Variants in CFAP100 observed in about 807,000 individuals in gnomAD.
CFAP100 encodes the protein cilia- and flagella-associated protein 100.
Under a neutral mutation model 81.5 loss-of-function variants are expected in CFAP100, and 70 were observed. That is an observed-to-expected ratio of 0.86 (90% CI 0.71 to 1.05). The LOEUF is 1.05. Ranked by LOEUF, CFAP100 falls within the 50% of genes least tolerant of loss-of-function variation. The pLI is 0.00. For synonymous variants in CFAP100, 341 were observed against 314.8 expected, an observed-to-expected ratio of 1.08 and a Z score of -0.88; for missense variants, 811 against 776.5, an observed-to-expected ratio of 1.04 and a Z score of -0.53.
chr3:126,431,790 T>C (rs1208115580), intron 13 of CFAP100, among the ~76,000 whole-genome samples: 6 of 152,212 alleles, frequency 3.9e-5, no homozygotes, highest in South Asian at 2.1e-4. Context: ...TCACTTTCCC[T>C]ATACTGAAGT....
At chr3:126,404,948 C>G (rs960665651) in intron 2 of CFAP100, among the ~76,000 whole-genome samples, 1 of 152,190 alleles carries the variant, frequency 6.6e-6, no homozygotes, top group Non-Finnish European at 1.5e-5. Context: ...GGATTACAGG[C>G]GTGAGCCACC....
chr3:126,416,491 A>G lies in CFAP100; in HGVS notation c.401A>G (p.Lys134Arg). ...GCCTTCCGCGACTACACGACCTGGA[A>G]GCTCACCTTGACCAAAGGTGCGTCC... ...QRAFRDYTTW[K>R]LTLTKEKNVE... Residue 134 changes from lysine (K) to arginine (R), a missense_variant, in exon 5 of 17, where the codon AAG becomes AGG. Physicochemically the swap from Lys to Arg is conservative, Grantham distance 26. Transcript: ENST00000352312. 1.3e-6 allele frequency: 2 copies of G among 1,598,210 alleles called. No individual in the cohort carries two copies. Among genetic ancestry groups the G allele is most frequent in the Non-Finnish European group, 1.7e-6 (2 of 1,171,652 alleles).
At chr3:126,418,956 C>A (rs534260063) in intron 7 of CFAP100, 120 bp from the exon 8 acceptor site, 11 of 982,700 alleles carry the variant, frequency 1.1e-5, no homozygotes, top group Non-Finnish European at 1.5e-5. Flanking sequence ...GTGTGGCTCT[C>A]CAGCCCTGTC....
Position 126,436,356 on chromosome 3 carries a change from C to A in CFAP100, c.1788C>A (p.His596Gln), listed in dbSNP as rs767674665. 6.2e-7 allele frequency: 1 copy of A among 1,614,154 alleles called. No homozygotes were observed. The highest frequency in any genetic ancestry group is 8.5e-7 in the Non-Finnish European group (1 of 1,180,018). ...ACAGGATCAAACAACAGTCTGAGCA[C>A]ACACTGATGGACAAGGAGGAGGAGG... The part of the protein sequence containing the change: ...PAHRIKQQSE[H>Q]TLMDKEEEEL... The change falls in exon 17 of 17, where the codon CAC (histidine) becomes CAA (glutamine). Residue 596 changes from histidine to glutamine, a missense_variant. Coordinates refer to ENST00000352312, the MANE Select transcript of CFAP100 (RefSeq NM_182628.3).
intron 2 of CFAP100, among the ~76,000 whole-genome samples, chr3:126,398,271 A>G (rs533604115): frequency 6.6e-6 from 1 of 152,226 alleles, no homozygotes; most frequent in South Asian, 2.1e-4. Context: ...GTTCCAGGAG[A>G]GGCACTGGGG....
In CFAP100 at chr3:126,436,191, G is replaced by A. The variant is rs1479344445; in HGVS notation, c.1723-100G>A. On this transcript the variant is annotated intron_variant, in intron 16 of 16. Transcript: ENST00000352312. Reference sequence around the variant, plus strand: ...CAGGGCTGACCAGAGTGGCCTGGAGGTGACTGGAGCTGCTGGGCCTCTCCC... The same window carrying A: ...CAGGGCTGACCAGAGTGGCCTGGAGATGACTGGAGCTGCTGGGCCTCTCCC... The A allele has an allele frequency of 6.0e-6, 5 of 827,770 alleles. No individual in the cohort carries two copies. In the East Asian group the frequency reaches 1.1e-4, roughly 18 times the overall value. 51.3% of individuals were successfully genotyped at this position (827,770 alleles called of 1,614,324 possible).
In CFAP100 at chr3:126,433,986, G is replaced by A. The variant is rs149175737; in HGVS notation, c.1423-190G>A. Reference sequence around the variant, plus strand: ...GGATCTGGCTGACTCCAGGGGGCCCGGGGGATAGGCTGCTCTGGCCAAGAA... The same window carrying A: ...GGATCTGGCTGACTCCAGGGGGCCCAGGGGATAGGCTGCTCTGGCCAAGAA... On this transcript the variant is annotated intron_variant, in intron 14 of 16. Coordinates refer to ENST00000352312, the MANE Select transcript of CFAP100 (RefSeq NM_182628.3). The A allele has an allele frequency of 4.0e-3, 2,332 of 575,808 alleles. 25 individuals carry two copies. The highest frequency in any genetic ancestry group is 0.021 in the South Asian group (966 of 46,884). The allele number at this position is 575,808 out of a possible 1,614,324, so 35.7% of individuals were successfully genotyped here. A position where few individuals can be genotyped will look rare whatever the true frequency, so the allele number is the denominator to read the frequency against.
At position 126,436,375 on chromosome 3, in the gene CFAP100, G is replaced by A. The variant is rs150242871; in HGVS notation, c.1807G>A (p.Glu603Lys). The A allele has an allele frequency of 3.1e-6, 5 of 1,614,112 alleles. No individual in the cohort carries two copies. The African/African-American group carries it at 6.7e-5, about 22-fold the overall frequency. Residue 603 changes from glutamate (E) to lysine (K), a missense_variant, in exon 17 of 17, where the codon GAG (glutamate) becomes AAG (lysine). By Grantham distance (56) the Glu-to-Lys change is moderately conservative. Coordinates refer to ENST00000352312, the MANE Select transcript of CFAP100 (RefSeq NM_182628.3). ...TGAGCACACACTGATGGACAAGGAGGAGGAGGAGCTGCTATTTTTCTTTAC... is the reference window on the plus strand; with the variant it reads ...TGAGCACACACTGATGGACAAGGAGAAGGAGGAGCTGCTATTTTTCTTTAC... ...QSEHTLMDKE[E>K]EELLFFFT
chr3:126,424,229 G>A (rs564216138), intron 13 of CFAP100, among the ~76,000 whole-genome samples: 2 of 152,250 alleles, frequency 1.3e-5, no homozygotes, highest in Admixed American at 6.5e-5. Context: ...TGGGCATGGC[G>A]AGTTGTGCCA....
intron 13 of CFAP100, among the ~76,000 whole-genome samples, chr3:126,424,116 G>A (rs926380693): frequency 6.6e-6 from 1 of 152,274 alleles, no homozygotes; most frequent in Non-Finnish European, 1.5e-5. Context: ...GCACAGAACT[G>A]GGGAAGGCCA....
intron 5 of CFAP100, 51 bp downstream of exon 5, chr3:126,416,559 G>A (rs775985817): frequency 2.2e-5 from 31 of 1,428,570 alleles, no homozygotes; most frequent in Non-Finnish European, 2.8e-5. Context: ...TCCCACAACC[G>A]CAGCTCAGGG....
intron 13 of CFAP100, among the ~76,000 whole-genome samples, chr3:126,424,094 C>T (rs1438927535): frequency 2.0e-5 from 3 of 152,256 alleles, no homozygotes; most frequent in Admixed American, 1.3e-4. Flanking sequence ...GACCACTGAG[C>T]GGGTGTTCGC....
chr3:126,420,265 C>T, intron 11 of CFAP100, 36 bp downstream of exon 11: 1 of 1,608,052 alleles, frequency 6.2e-7, no homozygotes, highest in South Asian at 1.1e-5. Flanking sequence ...GGGCTGAGGC[C>T]TAGCGGCGAG....
chr3:126,416,672 G>C (rs1181825116), intron 5 of CFAP100, 164 bp downstream of exon 5: 2 of 575,852 alleles, frequency 3.5e-6, no homozygotes, highest in Non-Finnish European at 3.0e-6. Context: ...TCTCCAGGGG[G>C]GTCCCAAAGC....
At chr3:126,407,294 G>T (rs998800647) in intron 3 of CFAP100, 42 bp downstream of exon 3, 6 of 1,393,268 alleles carry the variant, frequency 4.3e-6, no homozygotes, top group Non-Finnish European at 5.1e-6. Flanking sequence ...GTTGGCAGGA[G>T]GCAACTCCTC....
chr3:126,419,636 G>A lies in CFAP100; in HGVS notation c.732-1G>A, dbSNP rs184223869. On this transcript the variant is annotated splice_acceptor_variant, in intron 8 of 16. Transcript: ENST00000352312. LOFTEE classifies it high-confidence loss of function. ...CACATCCTCACCCCGCCCCGGTGTA[G>A]TGAGATCTCCAGATTTGAAGACACT... 1.5e-5 allele frequency: 24 copies of A among 1,613,404 alleles called. No homozygotes were observed. The South Asian group carries it at 2.4e-4, about 16-fold the overall frequency.
chr3:126,436,354 C>T lies in CFAP100; in HGVS notation c.1786C>T (p.His596Tyr), dbSNP rs1285406220. Reference protein sequence around the residue: ...PAHRIKQQSEHTLMDKEEEEL... With the variant: ...PAHRIKQQSEYTLMDKEEEEL... ...CCACAGGATCAAACAACAGTCTGAG[C>T]ACACACTGATGGACAAGGAGGAGGA... Residue 596 changes from histidine to tyrosine, a missense_variant, in exon 17 of 17, where the codon CAC becomes TAC. Transcript: ENST00000352312. 6.2e-7 allele frequency: 1 copy of T among 1,614,168 alleles called. No homozygotes were observed. The highest frequency in any genetic ancestry group is 1.1e-5 in the South Asian group (1 of 91,076).
intron 14 of CFAP100, chr3:126,433,673 C>G: frequency 5.1e-6 from 1 of 195,824 alleles, no homozygotes; most frequent in South Asian, 1.0e-4. Context: ...CTGCTGTGTG[C>G]CAGGCACAGG....
At chr3:126,399,912 G>A (rs2082945874) in intron 2 of CFAP100, among the ~76,000 whole-genome samples, 1 of 152,144 alleles carries the variant, frequency 6.6e-6, no homozygotes, top group African/African-American at 2.4e-5. Flanking sequence ...TGGGAAATAA[G>A]GATCTTGTCC....
Sources: gnomAD v4.1 joint callset for allele counts (sites outside exome capture counted in the v4.1 genomes callset) on GRCh38, gnomAD v4.1.1 for gene constraint, MANE v1.5 for transcripts, NCBI Gene and HGNC (gene_info 2026-07-23, HGNC 2026-07-21) for gene names.